Variants in CAMK1D observed in about 807,000 individuals in gnomAD.
The protein encoded by CAMK1D is calcium/calmodulin dependent protein kinase ID.
Under a neutral mutation model 47.7 loss-of-function variants are expected in CAMK1D, and 9 were observed. That is an observed-to-expected ratio of 0.19 (90% CI 0.11 to 0.33). The LOEUF is 0.33. CAMK1D is among the 10% of genes least tolerant of loss of function. The pLI, the probability that CAMK1D is intolerant of heterozygous loss-of-function variation, is 1.00. For missense variants in CAMK1D, 291 were observed against 488.7 expected, an observed-to-expected ratio of 0.60 and a Z score of 3.81; for synonymous variants, 184 against 184.9, an observed-to-expected ratio of 0.99 and a Z score of 0.04.
At chr10:12,743,619 G>T (rs755110961) in intron 3 of CAMK1D, among the ~76,000 whole-genome samples, 4 of 152,170 alleles carry the variant, frequency 2.6e-5, no homozygotes, top group Non-Finnish European at 4.4e-5. Flanking sequence ...CAGAACTTCA[G>T]AACATTCCTA....
intron 2 of CAMK1D, among the ~76,000 whole-genome samples, chr10:12,598,035 G>A (rs746220017): frequency 6.6e-6 from 1 of 152,224 alleles, no homozygotes; most frequent in African/African-American, 2.4e-5. Flanking sequence ...GGACGATGCC[G>A]TGAAACACAC....
At chr10:12,553,466 G>A (rs1358912458) in intron 2 of CAMK1D, 110 bp downstream of exon 2, 1 of 825,344 alleles carries the variant, frequency 1.2e-6, no homozygotes, top group Non-Finnish European at 2.0e-6. Context: ...GGCCCCCAGA[G>A]GACCCAGGCT....
chr10:12,769,189 C>G (rs545394615), intron 4 of CAMK1D, among the ~76,000 whole-genome samples: 85 of 152,220 alleles, frequency 5.6e-4, no homozygotes, highest in Non-Finnish European at 1.0e-3. Flanking sequence ...GGTCAGCTGG[C>G]CTTCATGAAG....
chr10:12,705,439 T>C (rs1319166379), intron 3 of CAMK1D, among the ~76,000 whole-genome samples: 1 of 151,988 alleles, frequency 6.6e-6, no homozygotes, highest in African/African-American at 2.4e-5. Context: ...CCAGCCTAGG[T>C]GACAAAGCGA....
At chr10:12,591,408 C>T (rs1228588886) in intron 2 of CAMK1D, among the ~76,000 whole-genome samples, 2 of 152,204 alleles carry the variant, frequency 1.3e-5, no homozygotes, top group Non-Finnish European at 2.9e-5. Context: ...CTTTTGTTAT[C>T]CCCCTACGGC....
intron 1 of CAMK1D, among the ~76,000 whole-genome samples, chr10:12,436,621 C>T (rs562967921): frequency 3.9e-4 from 59 of 152,242 alleles, no homozygotes; most frequent in Middle Eastern, 6.8e-3. Flanking sequence ...CTCATAAGCT[C>T]GGATGCTGTA....
At chr10:12,526,791 G>A (rs915317731) in intron 1 of CAMK1D, among the ~76,000 whole-genome samples, 3 of 151,362 alleles carry the variant, frequency 2.0e-5, no homozygotes, top group African/African-American at 7.3e-5. Context: ...GGTGGTGCAC[G>A]CCTGTAGTCC....
chr10:12,668,648 G>A (rs45625535), intron 3 of CAMK1D, among the ~76,000 whole-genome samples: 8,767 of 152,240 alleles, frequency 0.058, 481 homozygotes, highest in African/African-American at 0.14. Flanking sequence ...ATGGATATCT[G>A]TATCATTTCA....
At position 12,746,814 on chromosome 10, in the gene CAMK1D, G is replaced by A. The variant is rs147870523; in HGVS notation, c.300-14134G>A. ...CATCGCTTTCCTCACCATGAAATGA[G>A]GGGTTTAACTAAAAGGCGTCTGAGG... On this transcript the variant is annotated intron_variant, in intron 3 of 10. Coordinates refer to ENST00000619168, the MANE Select transcript of CAMK1D (RefSeq NM_153498.4). Among the ~76,000 whole-genome samples, 215 of 152,272 alleles carry A rather than the reference G, an allele frequency of 1.4e-3. 4 individuals are homozygous for A. The highest frequency in any genetic ancestry group is 5.0e-3 in the African/African-American group (209 of 41,546).
chr10:12,424,857 C>G (rs1840171643), intron 1 of CAMK1D, among the ~76,000 whole-genome samples: 1 of 152,182 alleles, frequency 6.6e-6, no homozygotes, highest in African/African-American at 2.4e-5. Context: ...ACCCATGAAG[C>G]TTCATTCAAC....
intron 1 of CAMK1D, among the ~76,000 whole-genome samples, chr10:12,355,992 G>T (rs1422131980): frequency 6.6e-5 from 10 of 152,138 alleles, no homozygotes; most frequent in Non-Finnish European, 1.3e-4. Flanking sequence ...AGAGCCATGG[G>T]GCTGTCTGAA....
chr10:12,807,572 C>CA (rs1435579303), intron 6 of CAMK1D, among the ~76,000 whole-genome samples: 3 of 152,226 alleles, frequency 2.0e-5, no homozygotes, highest in Non-Finnish European at 2.9e-5. Flanking sequence ...AGCCGCCTCT[C>CA]TGAGCAGGCA....
At chr10:12,679,871 T>G (rs1323298151) in intron 3 of CAMK1D, among the ~76,000 whole-genome samples, 1 of 152,090 alleles carries the variant, frequency 6.6e-6, no homozygotes, top group Non-Finnish European at 1.5e-5. Context: ...TCCTCAAGGG[T>G]GTCTGCTCCA....
intron 1 of CAMK1D, among the ~76,000 whole-genome samples, chr10:12,416,233 G>A (rs1839845404): frequency 6.6e-6 from 1 of 151,910 alleles, no homozygotes; most frequent in Admixed American, 6.6e-5. Flanking sequence ...CTATATTAAT[G>A]GAGAAGTCGC....
intron 1 of CAMK1D, among the ~76,000 whole-genome samples, chr10:12,408,309 C>T (rs1383443185): frequency 6.6e-6 from 1 of 151,942 alleles, no homozygotes; most frequent in East Asian, 1.9e-4. Context: ...CTACAGGCGC[C>T]CGCTACCTCG....
chr10:12,433,700 C>T (rs148735072), intron 1 of CAMK1D, among the ~76,000 whole-genome samples: 69 of 152,304 alleles, frequency 4.5e-4, no homozygotes, highest in African/African-American at 1.6e-3. Context: ...AAAACAAACT[C>T]GTGGATTCAG....
chr10:12,811,943 T>C (rs1363916141), intron 6 of CAMK1D, among the ~76,000 whole-genome samples: 1 of 152,250 alleles, frequency 6.6e-6, no homozygotes, highest in Non-Finnish European at 1.5e-5. Flanking sequence ...TCTTGTTCAT[T>C]TCACTAAAAG....
In CAMK1D at chr10:12,636,935, C is replaced by A. The variant is rs1263581311; in HGVS notation, c.225-29801C>A. Reference sequence around the variant, plus strand: ...GAGGAGCCACCGAGCACCAAAAGAACAGGCATCTGTAAAAGCAACTCAGAA... The same window carrying A: ...GAGGAGCCACCGAGCACCAAAAGAAAAGGCATCTGTAAAAGCAACTCAGAA... On this transcript the variant is annotated intron_variant, in intron 2 of 10. Coordinates refer to ENST00000619168, the MANE Select transcript of CAMK1D (RefSeq NM_153498.4). Among the ~76,000 whole-genome samples, 3 of 152,112 alleles carry A rather than the reference C, an allele frequency of 2.0e-5. No individual in the cohort carries two copies. The East Asian group carries it at 5.8e-4, about 29-fold the overall frequency.
At chr10:12,717,897 AAAAAAAAAAAG>A (rs1333400483) in intron 3 of CAMK1D, among the ~76,000 whole-genome samples, 26 of 151,790 alleles carry the variant, frequency 1.7e-4, no homozygotes, top group African/African-American at 4.6e-4. Context: ...CTGTCAAAAA[AAAAAAAAAAAG>A]AAAAAAAAAA....
Sources: gnomAD v4.1 joint callset for allele counts (sites outside exome capture counted in the v4.1 genomes callset) on GRCh38, gnomAD v4.1.1 for gene constraint, MANE v1.5 for transcripts, NCBI Gene and HGNC (gene_info 2026-07-23, HGNC 2026-07-21) for gene names.